TIA1: variants seen among roughly 807,000 people sequenced by gnomAD.
TIA1 encodes cytotoxic granule associated RNA binding protein TIA1.
Under a neutral mutation model 65.9 loss-of-function variants are expected in TIA1, and 23 were observed. The observed-to-expected ratio is 0.35, with a 90% CI of 0.25 to 0.49. TIA1 has a LOEUF of 0.49. Ranked by LOEUF, TIA1 falls within the 20% of genes least tolerant of loss-of-function variation. The probability of loss-of-function intolerance (pLI) is 0.98; values close to 1 mark genes in which losing one functional copy is unlikely to be tolerated. For synonymous variants in TIA1, 147 were observed against 149.4 expected (o/e 0.98, Z 0.12); for missense variants, 371 against 477.9 (o/e 0.78, Z 2.09).
chr2:70,216,562 A>C, intron 8 of TIA1, 63 bp from the exon 9 acceptor site: 1 of 1,471,158 alleles, frequency 6.8e-7, no homozygotes, highest in East Asian at 2.3e-5. Flanking sequence ...AGAGAAAAGT[A>C]GCATTCACTA....
chr2:70,219,689 T>G (rs867466348), intron 7 of TIA1, among the ~76,000 whole-genome samples: 4 of 151,204 alleles, frequency 2.6e-5, no homozygotes, highest in East Asian at 1.9e-4. Flanking sequence ...CTTTACTGGT[T>G]GCAACAGGCA....
intron 12 of TIA1, among the ~76,000 whole-genome samples, chr2:70,213,336 TTTTC>T (rs1444017587): frequency 4.6e-5 from 7 of 151,056 alleles, no homozygotes; most frequent in African/African-American, 1.7e-4. Context: ...CAAGATTTTC[TTTTC>T]TTTTCTTTTT....
Position 70,216,267 on chromosome 2 carries a change from T to C in TIA1, c.705A>G (p.Ser235=), listed in dbSNP as rs765339727. 3.1e-6 allele frequency: 5 copies of C among 1,594,676 alleles called. No homozygotes were observed. Among genetic ancestry groups the C allele is most frequent in the Non-Finnish European group, 4.3e-6 (5 of 1,174,832 alleles). Residue 235 remains serine (S), a synonymous_variant, in exon 10 of 13, where the codon TCA becomes TCG. Transcript: ENST00000433529. The stretch of plus-strand genomic sequence containing the variant: ...GAATTTCCATTATTTGTCCAAATGG[T>C]GAAAAAGTCTGACGCATTAGTTGTT... ...LTEQLMRQTF[S]PFGQIMEIRV...
intron 1 of TIA1, among the ~76,000 whole-genome samples, chr2:70,246,683 C>T (rs912565450): frequency 2.6e-5 from 4 of 152,086 alleles, no homozygotes; most frequent in Non-Finnish European, 4.4e-5. Flanking sequence ...GTCAGGAGTT[C>T]GAGACCAGCT....
At chr2:70,215,330 T>G (rs751372991) in intron 11 of TIA1, 41 bp downstream of exon 11, 15 of 1,610,286 alleles carry the variant, frequency 9.3e-6, no homozygotes, top group Non-Finnish European at 1.3e-5. Flanking sequence ...AATAACATTA[T>G]TAGCCCAACA....
At chr2:70,233,769 A>C (rs1017512585) in intron 2 of TIA1, among the ~76,000 whole-genome samples, 2 of 152,164 alleles carry the variant, frequency 1.3e-5, no homozygotes, top group African/African-American at 4.8e-5. Flanking sequence ...CTGTCTAAAA[A>C]AAAAAAAAGA....
At chr2:70,225,522 G>T (rs1683414031) in intron 6 of TIA1, 4 of 944,144 alleles carry the variant, frequency 4.2e-6, no homozygotes, top group South Asian at 3.2e-5. Context: ...AGTTAGTCAG[G>T]TATGTCACAA....
intron 2 of TIA1, among the ~76,000 whole-genome samples, chr2:70,232,905 C>A (rs1386327390): frequency 6.6e-6 from 1 of 151,770 alleles, no homozygotes. Context: ...TGCTGGTGTT[C>A]CAGGTAGGTG....
chr2:70,228,473 C>T, intron 5 of TIA1: 17 of 1,271,084 alleles, frequency 1.3e-5, no homozygotes, highest in Non-Finnish European at 1.7e-5. Flanking sequence ...CTGAAGGCAA[C>T]AGAATGAAAA....
At chr2:70,215,091 T>A (rs1214232004) in intron 11 of TIA1, 1 of 344,528 alleles carries the variant, frequency 2.9e-6, no homozygotes, top group African/African-American at 2.2e-5. Context: ...GGTATGTGAA[T>A]AAATCTACCA....
intron 7 of TIA1, among the ~76,000 whole-genome samples, chr2:70,223,072 T>C (rs1001681981): frequency 6.6e-6 from 1 of 152,202 alleles, no homozygotes; most frequent in Non-Finnish European, 1.5e-5. Context: ...CATTCAACAG[T>C]GATTTTTATA....
At position 70,211,156 on chromosome 2, in the gene TIA1, C is replaced by T. The variant is rs1676387892; in HGVS notation, c.*1563G>A. 1 of 152,100 alleles carries T rather than the reference C, an allele frequency of 6.6e-6. No individual in the cohort carries two copies. The allele number at this position is 152,100 out of a possible 1,614,324, so 9.4% of individuals were successfully genotyped here. A position where few individuals can be genotyped will look rare whatever the true frequency, so the allele number is the denominator to read the frequency against. ...AAATATGTATACTGGGACCTTTCCT[C>T]TTGAGTAAAGGAAGAAGGAGGTTTG... is the stretch of plus-strand genomic sequence containing the variant. On this transcript the variant is annotated 3_prime_UTR_variant, in exon 13 of 13. Transcript: ENST00000433529.
intron 7 of TIA1, among the ~76,000 whole-genome samples, chr2:70,222,811 G>A (rs1682090592): frequency 6.6e-6 from 1 of 152,198 alleles, no homozygotes; most frequent in Non-Finnish European, 1.5e-5. Flanking sequence ...CTACTTGGGA[G>A]GCTGAGGCAG....
At chr2:70,213,058 G>C in intron 12 of TIA1, among the ~76,000 whole-genome samples, 1 of 152,134 alleles carries the variant, frequency 6.6e-6, no homozygotes, top group East Asian at 1.9e-4. Context: ...AATTTGGACA[G>C]TTTAATTTTG....
chr2:70,239,051 C>CAG (rs1690471854), intron 1 of TIA1, among the ~76,000 whole-genome samples: 1 of 152,096 alleles, frequency 6.6e-6, no homozygotes, highest in African/African-American at 2.4e-5. Flanking sequence ...TCCCAGGTGA[C>CAG]AGAGCAAAAC....
In TIA1 at chr2:70,213,534, A is replaced by G. The variant is rs577698280; in HGVS notation, c.1035-689T>C. On this transcript the variant is annotated intron_variant, in intron 12 of 12. Coordinates refer to ENST00000433529, the MANE Select transcript of TIA1 (RefSeq NM_022173.4). ...CTAATTTTTTTTGTACCTTTTGTAG[A>G]GATGAGATTTCGCCATGTTGCCCAG... Among the ~76,000 whole-genome samples the G allele has an allele frequency of 9.2e-5, 14 of 151,916 alleles. No homozygotes were observed. In the East Asian group the frequency reaches 9.7e-4, roughly 10 times the overall value.
intron 1 of TIA1, among the ~76,000 whole-genome samples, chr2:70,242,494 CAAAAAAAAAAAA>C (rs11380260): frequency 2.7e-4 from 9 of 33,468 alleles, no homozygotes; most frequent in South Asian, 1.7e-3. Flanking sequence ...GACTCAGTCT[CAAAAAAAAAAAA>C]AAAAAAAAAA....
rs771881925 is a variant in TIA1, at chr2:70,248,460, G to A, written c.-30C>T. On this transcript the variant is annotated 5_prime_UTR_variant, in exon 1 of 13. Coordinates refer to ENST00000433529, the MANE Select transcript of TIA1 (RefSeq NM_022173.4). ...GCTGCTGTCGCGGCGGCGCCTCCAG[G>A]TCCAGCTCCCTGCCCTTCACTACCT... 4.7e-5 allele frequency: 75 copies of A among 1,600,682 alleles called. No homozygotes were observed. Among genetic ancestry groups the A allele is most frequent in the Admixed American group, 6.7e-5 (4 of 59,982 alleles).
At position 70,228,269 on chromosome 2, in the gene TIA1, C is replaced by T. The variant is rs184201646; in HGVS notation, c.311-447G>A. On this transcript the variant is annotated intron_variant, in intron 5 of 12. Transcript: ENST00000433529. ...TGTAGACTAGATTTGCCTCAGTTAA[C>T]ACAATTTACTGAAGCTAGCTACATG... 3.8e-4 allele frequency: 442 copies of T among 1,172,722 alleles called. 2 individuals are homozygous for T. In the African/African-American group the frequency reaches 6.1e-3, roughly 16 times the overall value. The allele number at this position is 1,172,722 out of a possible 1,614,324, so 72.6% of individuals were successfully genotyped here. A position where few individuals can be genotyped will look rare whatever the true frequency, so the allele number is the denominator to read the frequency against.
Sources: allele counts gnomAD v4.1 joint callset (sites outside exome capture counted in the v4.1 genomes callset), GRCh38; gene constraint gnomAD v4.1.1; transcripts MANE v1.5; gene names NCBI Gene and HGNC (gene_info 2026-07-23, HGNC 2026-07-21).